The following NETO1 variants were observed in gnomAD, a reference collection of about 807,000 sequenced individuals.
NETO1 encodes neuropilin and tolloid-like protein 1.
NETO1 carries 26 observed loss-of-function variants against 61.3 expected under a neutral mutation model. That is an observed-to-expected ratio of 0.42 (90% CI 0.31 to 0.59). The LOEUF is 0.59. Ranked by LOEUF, NETO1 falls within the 20% of genes least tolerant of loss-of-function variation. The pLI, the probability that NETO1 is intolerant of heterozygous loss-of-function variation, is 0.12. For synonymous variants in NETO1, 225 were observed against 225.8 expected (o/e 1.00, Z 0.03); for missense variants, 531 against 662.8 (o/e 0.80, Z 2.18).
At chr18:72,771,584 A>G (rs531489245) in intron 7 of NETO1, among the ~76,000 whole-genome samples, 1 of 152,282 alleles carries the variant, frequency 6.6e-6, no homozygotes, top group South Asian at 2.1e-4. Flanking sequence ...ATGTATCAAA[A>G]TGAAAAGTTA....
chr18:72,864,701 C>T, intron 3 of NETO1, 107 bp downstream of exon 3: 1 of 1,418,300 alleles, frequency 7.1e-7, no homozygotes, highest in African/African-American at 1.4e-5. Context: ...TGCGCATGAT[C>T]TCCAGATCAA....
At chr18:72,855,666 G>T (rs1280401710) in intron 4 of NETO1, among the ~76,000 whole-genome samples, 4 of 152,130 alleles carry the variant, frequency 2.6e-5, no homozygotes. Flanking sequence ...TTTAAGTTCA[G>T]TAGGAAAGAA....
At chr18:72,777,044 G>A (rs1249830431) in intron 7 of NETO1, among the ~76,000 whole-genome samples, 5 of 152,138 alleles carry the variant, frequency 3.3e-5, no homozygotes, top group Non-Finnish European at 2.9e-5. Flanking sequence ...ACAGGCATAG[G>A]ACAGTCATGC....
intron 7 of NETO1, 38 bp downstream of exon 7, chr18:72,783,640 T>C: frequency 6.4e-7 from 1 of 1,550,474 alleles, no homozygotes; most frequent in Non-Finnish European, 8.9e-7. Flanking sequence ...TCATATGGCA[T>C]ATACGAAGGA....
chr18:72,770,682 A>T (rs2071325020), intron 7 of NETO1, among the ~76,000 whole-genome samples: 1 of 152,170 alleles, frequency 6.6e-6, no homozygotes, highest in Non-Finnish European at 1.5e-5. Context: ...CTTTGGCCTA[A>T]GTTACGGTTG....
At position 72,859,070 on chromosome 18, in the gene NETO1, A is replaced by G; in HGVS notation, c.225T>C (p.Ala75=). Residue 75 remains alanine (A), a synonymous_variant, in exon 4 of 11, where the codon GCT becomes GCC. Coordinates refer to ENST00000327305, the MANE Select transcript of NETO1 (RefSeq NM_138966.5). ...AGTAAAGTTCAATGCACTGTCTTGG[A>G]GCGGCTGTAAAGAAGAAAGATTGTG... ...DRECIYIIEA[A]PRQCIELYFD... The G allele has an allele frequency of 6.3e-7, 1 of 1,594,322 alleles. No individual in the cohort carries two copies. The highest frequency in any genetic ancestry group is 1.1e-5 in the South Asian group (1 of 87,464).
chr18:72,810,331 C>G (rs12458232), intron 4 of NETO1, among the ~76,000 whole-genome samples: 124,626 of 152,156 alleles, frequency 0.82, 55,152 homozygotes, highest in Non-Finnish European at 0.99. Flanking sequence ...ATCATGTCAG[C>G]TGGCTAGTTT....
At chr18:72,786,810 C>T (rs1397206252) in intron 6 of NETO1, among the ~76,000 whole-genome samples, 1 of 150,302 alleles carries the variant, frequency 6.7e-6, no homozygotes, top group Non-Finnish European at 1.5e-5. Flanking sequence ...TCAATGTTAA[C>T]ATGACTTAAA....
intron 4 of NETO1, among the ~76,000 whole-genome samples, chr18:72,822,374 G>A (rs1291764372): frequency 1.3e-5 from 2 of 152,096 alleles, no homozygotes; most frequent in Non-Finnish European, 2.9e-5. Flanking sequence ...GGCACTGGGC[G>A]GCACCATGCC....
intron 6 of NETO1, among the ~76,000 whole-genome samples, chr18:72,786,402 G>A (rs1470017712): frequency 3.3e-5 from 5 of 152,156 alleles, no homozygotes; most frequent in Admixed American, 3.3e-4. Context: ...GTGGACAAAT[G>A]AATCAAACTG....
At chr18:72,846,714 C>T (rs1427317393) in intron 4 of NETO1, among the ~76,000 whole-genome samples, 1 of 151,878 alleles carries the variant, frequency 6.6e-6, no homozygotes, top group Non-Finnish European at 1.5e-5. Context: ...AGGAGAAAGT[C>T]GTGTGCACGT....
intron 7 of NETO1, among the ~76,000 whole-genome samples, chr18:72,762,240 G>A (rs1351589562): frequency 1.3e-5 from 2 of 151,112 alleles, no homozygotes; most frequent in African/African-American, 2.4e-5. Context: ...CACTCACCGC[G>A]ACCTCTGCCT....
chr18:72,825,124 G>A (rs1000911375), intron 4 of NETO1, among the ~76,000 whole-genome samples: 2 of 152,124 alleles, frequency 1.3e-5, no homozygotes, highest in East Asian at 1.9e-4. Context: ...AACATGATTA[G>A]CAAGAGTTAG....
At chr18:72,852,445 G>T (rs2074280004) in intron 4 of NETO1, among the ~76,000 whole-genome samples, 1 of 152,206 alleles carries the variant, frequency 6.6e-6, no homozygotes, top group Non-Finnish European at 1.5e-5. Flanking sequence ...TCCATCTCCT[G>T]ACCTCGTGAT....
At chr18:72,752,063 G>A (rs946097566) in intron 8 of NETO1, 2 of 152,146 alleles carry the variant, frequency 1.3e-5, no homozygotes, top group African/African-American at 4.8e-5. Flanking sequence ...TTAAGAGGCA[G>A]TGTGCAATTA....
intron 4 of NETO1, among the ~76,000 whole-genome samples, chr18:72,804,749 G>A (rs1043563429): frequency 2.0e-5 from 3 of 152,178 alleles, no homozygotes; most frequent in Non-Finnish European, 4.4e-5. Context: ...CAAACCTTCT[G>A]ATTATAAAAA....
intron 4 of NETO1, among the ~76,000 whole-genome samples, chr18:72,841,742 A>AAAAAAAAG (rs1177361632): frequency 7.0e-6 from 1 of 143,346 alleles, no homozygotes; most frequent in Admixed American, 7.2e-5. Flanking sequence ...TCAACAAAAA[A>AAAAAAAAG]AAAAAAAAAA....
chr18:72,802,065 G>T (rs993559479), intron 4 of NETO1, among the ~76,000 whole-genome samples: 1 of 151,742 alleles, frequency 6.6e-6, no homozygotes, highest in Admixed American at 6.6e-5. Context: ...CCACTTTATA[G>T]ATGTTAATAA....
At chr18:72,788,535 C>A (rs1347572350) in intron 6 of NETO1, among the ~76,000 whole-genome samples, 1 of 151,612 alleles carries the variant, frequency 6.6e-6, no homozygotes. Context: ...TAGCAAACTA[C>A]AGAAAGCTCT....
Sources: gnomAD v4.1 joint callset for allele counts (sites outside exome capture counted in the v4.1 genomes callset) on GRCh38, gnomAD v4.1.1 for gene constraint, MANE v1.5 for transcripts, NCBI Gene and HGNC (gene_info 2026-07-23, HGNC 2026-07-21) for gene names.